Variants in NMD3 observed in about 807,000 individuals in gnomAD.
NMD3 encodes the protein 60S ribosomal export protein NMD3.
Under a neutral mutation model 73.1 loss-of-function variants are expected in NMD3, and 47 were observed. The observed-to-expected ratio is 0.64, with a 90% confidence interval of 0.51 to 0.82. The LOEUF is 0.82. Ranked by LOEUF, NMD3 falls within the 40% of genes least tolerant of loss-of-function variation. The pLI, the probability that NMD3 is intolerant of heterozygous loss-of-function variation, is 0.00. For synonymous variants in NMD3, 210 were observed against 194.5 expected, an observed-to-expected ratio of 1.08 and a Z score of -0.66; for missense variants, 554 against 612.5, an observed-to-expected ratio of 0.90 and a Z score of 1.01.
intron 3 of NMD3, among the ~76,000 whole-genome samples, 182 bp from the exon 4 acceptor site, chr3:161,227,065 T>G (rs1446024945): frequency 6.6e-6 from 1 of 152,214 alleles, no homozygotes; most frequent in Admixed American, 6.5e-5. Context: ...CCTTTTTAAT[T>G]AAAGCTGCTA....
chr3:161,252,779 A>G, downstream of NMD3: 1 of 689,944 alleles, frequency 1.4e-6, no homozygotes, highest in South Asian at 1.5e-5. Flanking sequence ...CCAAATCTGC[A>G]CCTGAAGCTG....
intron 5 of NMD3, among the ~76,000 whole-genome samples, chr3:161,234,517 T>C (rs1736667062): frequency 6.6e-6 from 1 of 151,676 alleles, no homozygotes; most frequent in South Asian, 2.1e-4. Flanking sequence ...TTTGAAATGC[T>C]AATCTAATAA....
intron 2 of NMD3, 33 bp downstream of exon 2, chr3:161,222,090 T>C: frequency 6.3e-7 from 1 of 1,587,822 alleles, no homozygotes; most frequent in Non-Finnish European, 8.6e-7. Context: ...CCCCCTTAAA[T>C]GTGAAAATCT....
At chr3:161,252,780 C>T (rs1188720424), downstream of NMD3, 1 of 687,540 alleles carries the variant, frequency 1.5e-6, no homozygotes, top group Non-Finnish European at 2.6e-6. Flanking sequence ...CAAATCTGCA[C>T]CTGAAGCTGC....
intron 14 of NMD3, 51 bp downstream of exon 14, chr3:161,249,611 A>C: frequency 8.9e-7 from 1 of 1,127,250 alleles, no homozygotes; most frequent in South Asian, 1.3e-5. Flanking sequence ...AATATTTATG[A>C]TAAATACTTT....
chr3:161,225,701 T>C (rs1736284965), intron 3 of NMD3, among the ~76,000 whole-genome samples: 1 of 152,210 alleles, frequency 6.6e-6, no homozygotes, highest in Non-Finnish European at 1.5e-5. Flanking sequence ...ATGCCTGTTA[T>C]TTCCAAAATG....
chr3:161,232,627 T>C (rs1164076566), intron 4 of NMD3, among the ~76,000 whole-genome samples: 1 of 152,220 alleles, frequency 6.6e-6, no homozygotes, highest in Non-Finnish European at 1.5e-5. Context: ...CTCTTTTCCA[T>C]ATCCAGTTAC....
chr3:161,237,538 CTTTTTTT>C (rs71628447), intron 7 of NMD3, among the ~76,000 whole-genome samples: 2 of 108,824 alleles, frequency 1.8e-5, no homozygotes, highest in African/African-American at 3.6e-5. Context: ...AAATAACTTT[CTTTTTTT>C]TTTTTTTTTT....
chr3:161,230,393 T>G (rs1736487299), intron 4 of NMD3, among the ~76,000 whole-genome samples: 1 of 152,172 alleles, frequency 6.6e-6, no homozygotes, highest in South Asian at 2.1e-4. Context: ...TGCCTCAGCT[T>G]CCCAAAGTGT....
chr3:161,251,420 G>C lies in NMD3; in HGVS notation c.*510G>C, dbSNP rs1737482620. On this transcript the variant is annotated 3_prime_UTR_variant, in exon 16 of 16. Transcript: ENST00000351193. Reference sequence around the variant, plus strand: ...GGAAATTAGGGTTCAGTTTATCACTGGACATTCAGGAGGCAAGTCAATCTT... The same window carrying C: ...GGAAATTAGGGTTCAGTTTATCACTCGACATTCAGGAGGCAAGTCAATCTT... 6.6e-6 allele frequency: 1 copy of C among 151,956 alleles called. No individual in the cohort carries two copies. Among genetic ancestry groups the C allele is most frequent in the African/African-American group, 2.4e-5 (1 of 41,362 alleles). 9.4% of individuals were successfully genotyped at this position (151,956 alleles called of 1,614,324 possible).
intron 5 of NMD3, 119 bp downstream of exon 5, chr3:161,233,598 G>A: frequency 1.8e-6 from 1 of 547,572 alleles, no homozygotes; most frequent in Non-Finnish European, 3.2e-6. Flanking sequence ...CTCAATTTTA[G>A]CTGTTTGTTT....
At chr3:161,232,187 G>C (rs935058729) in intron 4 of NMD3, among the ~76,000 whole-genome samples, 3 of 148,754 alleles carry the variant, frequency 2.0e-5, no homozygotes, top group African/African-American at 7.5e-5. Context: ...TGAAGGAATA[G>C]GAATCTGCCT....
chr3:161,221,360 T>G lies in NMD3; in HGVS notation c.-70T>G, dbSNP rs1408994665. Reference sequence around the variant, plus strand: ...GGCAGCTGACGGGACAGCCGGGGTCTATTTTGTTGCGGGTTTTCAGCAAAT... The same window carrying G: ...GGCAGCTGACGGGACAGCCGGGGTCGATTTTGTTGCGGGTTTTCAGCAAAT... On this transcript the variant is annotated 5_prime_UTR_variant, in exon 1 of 16. Coordinates refer to ENST00000351193, the MANE Select transcript of NMD3 (RefSeq NM_015938.5). 6.6e-6 allele frequency: 1 copy of G among 152,258 alleles called. No individual in the cohort carries two copies. Among genetic ancestry groups the G allele is most frequent in the East Asian group, 1.9e-4 (1 of 5,192 alleles). 9.4% of individuals were successfully genotyped at this position (152,258 alleles called of 1,614,324 possible). A position where few individuals can be genotyped will look rare whatever the true frequency, so the allele number is the denominator to read the frequency against.
intron 13 of NMD3, 112 bp downstream of exon 13, chr3:161,247,442 T>A (rs1222174415): frequency 1.6e-6 from 1 of 611,224 alleles, no homozygotes; most frequent in East Asian, 2.8e-5. Context: ...ATTTAGAGAT[T>A]TCTGAAACTG....
Position 161,241,094 on chromosome 3 carries a change from A to G in NMD3, c.802A>G (p.Met268Val), listed in dbSNP as rs144910298. ...SPKLAQSLGNMNQICVCIRVT... is the reference protein window; with the variant it reads ...SPKLAQSLGNVNQICVCIRVT... ...AAAACTGGCACAAAGCCTGGGAAATATGAACCAGATTTGTGTGTGTATTCG... is the reference window on the plus strand; with the variant it reads ...AAAACTGGCACAAAGCCTGGGAAATGTGAACCAGATTTGTGTGTGTATTCG... Residue 268 changes from methionine to valine, a missense_variant, in exon 10 of 16, where the codon ATG becomes GTG. By Grantham distance (21) the Met-to-Val change is conservative. Coordinates refer to ENST00000351193, the MANE Select transcript of NMD3 (RefSeq NM_015938.5). The G allele has an allele frequency of 3.5e-5, 56 of 1,613,324 alleles. No homozygotes were observed. Among genetic ancestry groups the G allele is most frequent in the Admixed American group, 5.0e-5 (3 of 59,972 alleles).
chr3:161,231,546 G>A (rs2108081373), intron 4 of NMD3, among the ~76,000 whole-genome samples: 1 of 152,294 alleles, frequency 6.6e-6, no homozygotes, highest in Middle Eastern at 3.4e-3. Flanking sequence ...ATGAAAACAA[G>A]TGATACAAAG....
chr3:161,233,791 T>G (rs1190401973), intron 5 of NMD3, among the ~76,000 whole-genome samples: 2 of 151,960 alleles, frequency 1.3e-5, no homozygotes, highest in Non-Finnish European at 1.5e-5. Context: ...GAAGCAAAAA[T>G]TCTCTGTATG....
downstream of NMD3, chr3:161,253,106 C>G (rs1236095336): frequency 5.3e-6 from 1 of 189,428 alleles, no homozygotes; most frequent in Non-Finnish European, 1.1e-5. Flanking sequence ...CCCCACTCCC[C>G]CAATAAAAAA....
At chr3:161,243,837 TAGTC>T (rs916647032) in intron 11 of NMD3, among the ~76,000 whole-genome samples, 4 of 123,652 alleles carry the variant, frequency 3.2e-5, no homozygotes, top group Non-Finnish European at 6.6e-5. Context: ...AACATAGTGA[TAGTC>T]AGATTCCTCC....
Sources: gnomAD v4.1 joint callset for allele counts (sites outside exome capture counted in the v4.1 genomes callset) on GRCh38, gnomAD v4.1.1 for gene constraint, MANE v1.5 for transcripts, NCBI Gene and HGNC (gene_info 2026-07-23, HGNC 2026-07-21) for gene names.